Variants in WDR20 observed in about 807,000 individuals in gnomAD.
The protein encoded by WDR20 is WD repeat domain 20.
In WDR20, 3 loss-of-function variants were observed where a neutral mutation model predicts 38.7. The observed-to-expected ratio is 0.08, with a 90% confidence interval of 0.04 to 0.20. WDR20 has a LOEUF of 0.20. Ranked by LOEUF, WDR20 falls within the 10% of genes least tolerant of loss-of-function variation. The pLI is 1.00. For synonymous variants in WDR20, 298 were observed against 285.6 expected (o/e 1.04, Z -0.44); for missense variants, 559 against 727.7 (o/e 0.77, Z 2.67).
At chr14:102,211,268 A>T (rs934228682), downstream of WDR20, among the ~76,000 whole-genome samples, 19 of 152,186 alleles carry the variant, frequency 1.2e-4, no homozygotes, top group Admixed American at 4.6e-4. The surrounding 1 kb of genome is among the most constrained non-coding windows in gnomAD (Gnocchi z 4.2). Flanking sequence ...CACTTAGACC[A>T]GTTTGCGTAG....
At chr14:102,144,098 A>G (rs2052625268) in intron 1 of WDR20, among the ~76,000 whole-genome samples, 1 of 151,882 alleles carries the variant, frequency 6.6e-6, no homozygotes, top group African/African-American at 2.4e-5. Flanking sequence ...AGGGCTCTTG[A>G]GCCGAAGAGT....
intron 1 of WDR20, among the ~76,000 whole-genome samples, chr14:102,189,730 GA>G (rs967797936): frequency 5.3e-5 from 8 of 152,040 alleles, no homozygotes; most frequent in East Asian, 1.9e-4. Flanking sequence ...TCAGAAAGCT[GA>G]AAAAAACTAA....
At chr14:102,148,667 CTTTG>C (rs2054551808) in intron 1 of WDR20, among the ~76,000 whole-genome samples, 1 of 94,874 alleles carries the variant, frequency 1.1e-5, no homozygotes, top group African/African-American at 4.1e-5. Context: ...AAGAGTTTGG[CTTTG>C]TGTGTGTGTG....
chr14:102,197,777 A>G (rs1205119780), intron 2 of WDR20: 2 of 702,526 alleles, frequency 2.8e-6, no homozygotes, highest in Admixed American at 4.0e-5. Context: ...CACTTGTGGA[A>G]GGTGGATTGG....
At chr14:102,203,839 C>CT (rs1441830237) in intron 2 of WDR20, among the ~76,000 whole-genome samples, 1 of 151,984 alleles carries the variant, frequency 6.6e-6, no homozygotes, top group Non-Finnish European at 1.5e-5. Flanking sequence ...TTTAACTAGA[C>CT]TTTTTCTGAA....
chr14:102,213,813 T>G, downstream of WDR20: 1 of 985,272 alleles, frequency 1.0e-6, no homozygotes, highest in Non-Finnish European at 1.2e-6. Context: ...TTGAGCGAGC[T>G]CAAAGTGTGA....
At chr14:102,181,352 T>G (rs547033170) in intron 1 of WDR20, among the ~76,000 whole-genome samples, 3 of 152,308 alleles carry the variant, frequency 2.0e-5, no homozygotes, top group Non-Finnish European at 4.4e-5. Context: ...TCTTCCTAGT[T>G]TCCTGGGCAT....
intron 1 of WDR20, among the ~76,000 whole-genome samples, chr14:102,159,910 G>A (rs989962285): frequency 6.6e-6 from 1 of 152,108 alleles, no homozygotes; most frequent in African/African-American, 2.4e-5. Context: ...TTTGAGACCA[G>A]CCTGGGCAAC....
intron 1 of WDR20, among the ~76,000 whole-genome samples, chr14:102,140,898 A>G (rs2050805535): frequency 6.6e-6 from 1 of 152,228 alleles, no homozygotes; most frequent in Admixed American, 6.5e-5. Context: ...AAGCTGGTTC[A>G]GAGGGGTTGT....
At chr14:102,147,541 G>A (rs749192391) in intron 1 of WDR20, among the ~76,000 whole-genome samples, 14 of 152,206 alleles carry the variant, frequency 9.2e-5, no homozygotes, top group Non-Finnish European at 1.8e-4. Flanking sequence ...GATGCTGGGT[G>A]TAGTCAGAGT....
At chr14:102,184,712 C>T (rs2064181409) in intron 1 of WDR20, among the ~76,000 whole-genome samples, 1 of 152,182 alleles carries the variant, frequency 6.6e-6, no homozygotes, top group Non-Finnish European at 1.5e-5. Context: ...TGTCTCTTCT[C>T]ATTTTGGGAT....
chr14:102,211,234 G>T (rs1429186513), downstream of WDR20, among the ~76,000 whole-genome samples: 1 of 152,234 alleles, frequency 6.6e-6, no homozygotes, highest in African/African-American at 2.4e-5. This position sits in a 1 kb window ranked among gnomAD's most constrained non-coding sequence, Gnocchi z 4.2. Context: ...GTACACCTTT[G>T]TAATTAAATA....
At chr14:102,174,586 A>AT (rs1254400274) in intron 1 of WDR20, among the ~76,000 whole-genome samples, 2 of 151,496 alleles carry the variant, frequency 1.3e-5, no homozygotes, top group Non-Finnish European at 2.9e-5. Context: ...TGCCTGGCTA[A>AT]TTTTTTGTAT....
At chr14:102,154,973 C>T (rs529094067) in intron 1 of WDR20, among the ~76,000 whole-genome samples, 6 of 152,286 alleles carry the variant, frequency 3.9e-5, no homozygotes, top group African/African-American at 1.2e-4. Context: ...AGACTTGTGA[C>T]TTTGTCCAGC....
chr14:102,140,194 G>T, intron 1 of WDR20, 22 bp downstream of exon 1: 1 of 1,607,618 alleles, frequency 6.2e-7, no homozygotes, highest in Non-Finnish European at 8.5e-7. Flanking sequence ...GGCGTCACCG[G>T]AGCCAGCCAG....
At chr14:102,217,777 G>A (rs2153054549), downstream of WDR20, among the ~76,000 whole-genome samples, 1 of 152,380 alleles carries the variant, frequency 6.6e-6, no homozygotes, top group East Asian at 1.9e-4. Context: ...GAGCAGTTAA[G>A]GAGTGTGTTC....
rs548487953 is a variant in WDR20, at chr14:102,193,425, G to C, written c.250-1513G>C. 6.3e-6 allele frequency: 10 copies of C among 1,597,338 alleles called. No individual in the cohort carries two copies. In the South Asian group the frequency reaches 8.8e-5, roughly 14 times the overall value. ...CATGCTTTGTATTACACTTTTCAAG[G>C]CTCTTTCATGTATATATTCTCTTAT... On this transcript the variant is annotated intron_variant, in intron 1 of 2. Coordinates refer to ENST00000342702, the MANE Select transcript of WDR20 (RefSeq NM_144574.4).
intron 1 of WDR20, among the ~76,000 whole-genome samples, chr14:102,162,154 T>G (rs573187028): frequency 6.6e-6 from 1 of 152,350 alleles, no homozygotes; most frequent in East Asian, 1.9e-4. Context: ...TGCACTGGTC[T>G]AGGTTTTGGG....
intron 2 of WDR20, chr14:102,195,983 G>A (rs2059347119): frequency 6.6e-6 from 1 of 152,232 alleles, no homozygotes; most frequent in Non-Finnish European, 1.5e-5. Flanking sequence ...GTCAGGCTAT[G>A]TGGGACCCCC....
Sources: gnomAD v4.1 joint callset for allele counts (sites outside exome capture counted in the v4.1 genomes callset) on GRCh38, gnomAD v4.1.1 for gene constraint, Gnocchi (gnomAD v3.1) non-coding constraint, MANE v1.5 for transcripts, NCBI Gene and HGNC (gene_info 2026-07-23, HGNC 2026-07-21) for gene names.